CAMKMT: variants seen among roughly 807,000 people sequenced by gnomAD.
CAMKMT encodes CaM KMT.
In CAMKMT, 53 loss-of-function variants were observed where a neutral mutation model predicts 48.0. The observed-to-expected ratio is 1.10, with a 90% CI of 0.89 to 1.39. The LOEUF is 1.39. Among genes scored for constraint, CAMKMT ranks in the 40% most tolerant of loss-of-function variants. The pLI, the probability that CAMKMT is intolerant of heterozygous loss-of-function variation, is 0.00. For missense variants in CAMKMT, 428 were observed against 402.7 expected (o/e 1.06, Z -0.54); for synonymous variants, 165 against 152.3 (o/e 1.08, Z -0.61).
intron 3 of CAMKMT, among the ~76,000 whole-genome samples, chr2:44,681,465 T>C (rs1434025300): frequency 1.3e-5 from 2 of 152,128 alleles, no homozygotes; most frequent in African/African-American, 4.8e-5. Context: ...TCCAGTGTGA[T>C]TCGGCAACCA....
At chr2:44,454,003 A>G (rs1667431446) in intron 3 of CAMKMT, among the ~76,000 whole-genome samples, 1 of 152,216 alleles carries the variant, frequency 6.6e-6, no homozygotes, top group Admixed American at 6.5e-5. Context: ...CCATTGAGAG[A>G]GAGAAGGAAA....
intron 3 of CAMKMT, among the ~76,000 whole-genome samples, chr2:44,548,939 C>A (rs1009590822): frequency 6.6e-6 from 1 of 152,198 alleles, no homozygotes; most frequent in African/African-American, 2.4e-5. Flanking sequence ...CCATACCAGA[C>A]TTCTGACCTA....
chr2:44,509,368 G>T (rs1358060989), intron 3 of CAMKMT, among the ~76,000 whole-genome samples: 1 of 151,950 alleles, frequency 6.6e-6, no homozygotes, highest in African/African-American at 2.4e-5. Context: ...AGGCTGGAGT[G>T]CAGTCATCTT....
intron 3 of CAMKMT, among the ~76,000 whole-genome samples, chr2:44,551,576 C>T (rs532611690): frequency 1.5e-4 from 23 of 152,314 alleles, no homozygotes; most frequent in African/African-American, 5.5e-4. Context: ...TGCTGGAACA[C>T]AGCCAGTCCA....
chr2:44,746,581 AAT>A (rs1403105031), intron 8 of CAMKMT, among the ~76,000 whole-genome samples: 1 of 152,216 alleles, frequency 6.6e-6, no homozygotes, highest in East Asian at 1.9e-4. Context: ...GACAATGAAA[AAT>A]AGTTTCATGG....
chr2:44,650,379 A>G (rs1044053960), intron 3 of CAMKMT, among the ~76,000 whole-genome samples: 1 of 152,078 alleles, frequency 6.6e-6, no homozygotes, highest in Non-Finnish European at 1.5e-5. Context: ...TAACCTAACT[A>G]ACAATATCTG....
chr2:44,515,717 C>T (rs1221398904), intron 3 of CAMKMT, among the ~76,000 whole-genome samples: 1 of 152,182 alleles, frequency 6.6e-6, no homozygotes, highest in East Asian at 1.9e-4. Context: ...TTGTAGTAGA[C>T]AGCTGGGAGG....
chr2:44,750,237 G>A (rs576427560), intron 8 of CAMKMT, among the ~76,000 whole-genome samples: 3 of 151,496 alleles, frequency 2.0e-5, no homozygotes, highest in South Asian at 2.1e-4. Flanking sequence ...TGCAGCCTCC[G>A]CCTCCGCCTC....
At chr2:44,549,371 G>A (rs199613240) in intron 3 of CAMKMT, among the ~76,000 whole-genome samples, 1 of 131,074 alleles carries the variant, frequency 7.6e-6, no homozygotes, top group Non-Finnish European at 1.7e-5. Flanking sequence ...TAAAAAAAAA[G>A]ACCTGAAAAT....
chr2:44,403,481 C>G (rs191344042), intron 3 of CAMKMT, among the ~76,000 whole-genome samples: 117 of 152,272 alleles, frequency 7.7e-4, no homozygotes, highest in African/African-American at 2.7e-3. Flanking sequence ...TCAACAAATT[C>G]TTCTGTGTTT....
intron 3 of CAMKMT, among the ~76,000 whole-genome samples, chr2:44,670,429 G>T (rs1427299383): frequency 2.0e-5 from 3 of 152,012 alleles, no homozygotes; most frequent in Non-Finnish European, 4.4e-5. Flanking sequence ...AATCACTGGA[G>T]TGCAGTGATT....
chr2:44,544,468 CA>C (rs772803948), intron 3 of CAMKMT, among the ~76,000 whole-genome samples: 55 of 152,300 alleles, frequency 3.6e-4, no homozygotes, highest in South Asian at 8.3e-4. Flanking sequence ...CATTGGAAGT[CA>C]GATTTCTCTT....
intron 3 of CAMKMT, among the ~76,000 whole-genome samples, chr2:44,694,574 T>A (rs1028317382): frequency 6.6e-5 from 10 of 152,106 alleles, no homozygotes; most frequent in Non-Finnish European, 1.2e-4. Context: ...AAAAATAAAA[T>A]AAAATAATTC....
chr2:44,596,936 C>T (rs1159228364), intron 3 of CAMKMT, among the ~76,000 whole-genome samples: 2 of 152,072 alleles, frequency 1.3e-5, no homozygotes, highest in Non-Finnish European at 1.5e-5. Flanking sequence ...TAGAGAAAAA[C>T]GATCTTTTTA....
In CAMKMT at chr2:44,371,610, A is replaced by G. The variant is rs1679188611; in HGVS notation, c.139-1106A>G. Among the ~76,000 whole-genome samples, 3 of 152,242 alleles carry G rather than the reference A, an allele frequency of 2.0e-5. No individual in the cohort carries two copies. The South Asian group carries it at 6.2e-4, about 32-fold the overall frequency. On this transcript the variant is annotated intron_variant, in intron 1 of 10. Transcript: ENST00000378494. ...AACATATATAAAGCTAGAGAGAACAATACAATAATCATTCAGGTACTGATA... is the reference window on the plus strand; with the variant it reads ...AACATATATAAAGCTAGAGAGAACAGTACAATAATCATTCAGGTACTGATA...
intron 8 of CAMKMT, among the ~76,000 whole-genome samples, chr2:44,750,835 G>A (rs1023590315): frequency 6.6e-6 from 1 of 152,198 alleles, no homozygotes; most frequent in Non-Finnish European, 1.5e-5. Flanking sequence ...CCAACATGGT[G>A]AAACCCTGCC....
chr2:44,456,436 C>A, intron 3 of CAMKMT: 1 of 1,165,796 alleles, frequency 8.6e-7, no homozygotes, highest in Non-Finnish European at 1.2e-6. Flanking sequence ...AGCCCTCTTA[C>A]CCTCTATTTC....
At chr2:44,731,263 C>T (rs889996774) in intron 7 of CAMKMT, among the ~76,000 whole-genome samples, 1 of 152,150 alleles carries the variant, frequency 6.6e-6, no homozygotes, top group African/African-American at 2.4e-5. Context: ...ATTGCTTGAA[C>T]CCAGGGGGCA....
At chr2:44,691,183 C>T (rs574946148) in intron 3 of CAMKMT, among the ~76,000 whole-genome samples, 65 of 152,284 alleles carry the variant, frequency 4.3e-4, no homozygotes, top group Admixed American at 8.5e-4. Flanking sequence ...CATGTCTTCA[C>T]GCTCTAAGCC....
Sources: gnomAD v4.1 joint callset for allele counts (sites outside exome capture counted in the v4.1 genomes callset) on GRCh38, gnomAD v4.1.1 for gene constraint, MANE v1.5 for transcripts, NCBI Gene and HGNC (gene_info 2026-07-23, HGNC 2026-07-21) for gene names.